Variants in STMN4 observed in about 807,000 individuals in gnomAD.
The protein encoded by STMN4 is stathmin-4.
A neutral mutation model predicts 29.1 loss-of-function variants in STMN4; 12 were observed. The observed-to-expected ratio is 0.41, with a 90% CI of 0.26 to 0.67. The LOEUF is 0.67. Among genes scored for constraint, STMN4 ranks in the 30% least tolerant of loss-of-function variants. The pLI is 0.30. For synonymous variants in STMN4, 114 were observed against 105.3 expected, an observed-to-expected ratio of 1.08 and a Z score of -0.51; for missense variants, 181 against 262.8, an observed-to-expected ratio of 0.69 and a Z score of 2.15.
intron 1 of STMN4, among the ~76,000 whole-genome samples, chr8:27,246,853 GC>G (rs2130110992): frequency 6.6e-6 from 1 of 152,294 alleles, no homozygotes; most frequent in African/African-American, 2.4e-5. Flanking sequence ...TGATGCAGTA[GC>G]CCCGGGGAAA....
chr8:27,249,731 G>A (rs1801731010), intron 1 of STMN4, among the ~76,000 whole-genome samples: 3 of 152,256 alleles, frequency 2.0e-5, no homozygotes, highest in Middle Eastern at 3.4e-3. Flanking sequence ...CAGGCTTTCC[G>A]TAATTCAGCT....
intron 1 of STMN4, among the ~76,000 whole-genome samples, chr8:27,255,888 C>T (rs572434832): frequency 6.6e-6 from 1 of 152,286 alleles, no homozygotes; most frequent in African/African-American, 2.4e-5. Flanking sequence ...CTCTAGTCGA[C>T]AACCTGGCCA....
At chr8:27,243,866 G>GTCTTT (rs1005369399) in intron 1 of STMN4, 65 bp from the exon 2 acceptor site, 6 of 1,437,826 alleles carry the variant, frequency 4.2e-6, no homozygotes, top group Non-Finnish European at 5.8e-6. Flanking sequence ...CATAAGAAAG[G>GTCTTT]TCTTTATACA....
chr8:27,256,470 T>C (rs2130183253), intron 1 of STMN4, among the ~76,000 whole-genome samples: 1 of 152,308 alleles, frequency 6.6e-6, no homozygotes, highest in African/African-American at 2.4e-5. Flanking sequence ...TAGCCTAATG[T>C]TTCTCAAACT....
In STMN4 at chr8:27,243,781, G is replaced by C; in HGVS notation, c.-58C>G. 1.2e-6 allele frequency: 2 copies of C among 1,614,140 alleles called. No homozygotes were observed. Among genetic ancestry groups the C allele is most frequent in the Non-Finnish European group, 1.7e-6 (2 of 1,179,990 alleles). ...AAGTTACAGAGTGGGTCTGTCACCA[G>C]CTTGGGACGCTGTCACCAACCTGAG... On this transcript the variant is annotated 5_prime_UTR_variant, in exon 2 of 7. Transcript: ENST00000350889.
intron 1 of STMN4, among the ~76,000 whole-genome samples, chr8:27,254,786 G>T (rs1801893250): frequency 7.4e-6 from 1 of 134,248 alleles, no homozygotes; most frequent in Non-Finnish European, 1.6e-5. Flanking sequence ...ACATCTGTGT[G>T]TAGGGGGTGG....
In STMN4 at chr8:27,241,685, C is replaced by A. The variant is rs777494004; in HGVS notation, c.182G>T (p.Arg61Ile). Residue 61 changes from arginine to isoleucine, a missense_variant, in exon 4 of 7, where the codon AGA (arginine) becomes ATA (isoleucine). Physicochemically the swap from Arg to Ile is moderately conservative, Grantham distance 97 (BLOSUM62 -3). Coordinates refer to ENST00000350889, the MANE Select transcript of STMN4 (RefSeq NM_030795.4). ...CGCTGCCTCCCTCCTACCCTGAGCT[C>A]TTCTTTCTCTCCAGTCAGCACTGTC... is the stretch of plus-strand genomic sequence containing the variant. ...RKDSADWRER[R>I]AQADTVDLNW... The A allele has an allele frequency of 6.2e-7, 1 of 1,614,064 alleles. No homozygotes were observed. The highest frequency in any genetic ancestry group is 8.5e-7 in the Non-Finnish European group (1 of 1,180,028).
chr8:27,243,872 A>G (rs1801549495), intron 1 of STMN4, 71 bp from the exon 2 acceptor site: 1 of 1,387,956 alleles, frequency 7.2e-7, no homozygotes, highest in Non-Finnish European at 1.0e-6. Flanking sequence ...AAAGGTCTTT[A>G]TACACTGGGG....
At chr8:27,251,305 ATAT>A (rs888019570) in intron 1 of STMN4, among the ~76,000 whole-genome samples, 4 of 126,172 alleles carry the variant, frequency 3.2e-5, no homozygotes, top group Admixed American at 1.7e-4. Context: ...TATACATATA[ATAT>A]TATATATATA....
rs770084906 is a variant in STMN4 at position 27,241,710 on chromosome 8, C to T, written c.157G>A (p.Asp53Asn). ...CRRKDESQRK[D>N]SADWRERRAQ... ...CTTCTTTCTCTCCAGTCAGCACTGTCTTTCCGCTGGCTTTCATCCTTCCTC... is the reference window on the plus strand; with the variant it reads ...CTTCTTTCTCTCCAGTCAGCACTGTTTTTCCGCTGGCTTTCATCCTTCCTC... The change falls in exon 4 of 7, where the codon GAC (aspartate) becomes AAC (asparagine). Residue 53 changes from aspartate (D) to asparagine (N), a missense_variant. Coordinates refer to ENST00000350889, the MANE Select transcript of STMN4 (RefSeq NM_030795.4). 6.2e-7 allele frequency: 1 copy of T among 1,614,206 alleles called. No homozygotes were observed. The highest frequency in any genetic ancestry group is 1.1e-5 in the South Asian group (1 of 91,086).
At chr8:27,255,582 A>T (rs2130177454) in intron 1 of STMN4, among the ~76,000 whole-genome samples, 1 of 152,250 alleles carries the variant, frequency 6.6e-6, no homozygotes, top group African/African-American at 2.4e-5. Context: ...TATAGACACA[A>T]TTCTCCTCCT....
At position 27,241,702 on chromosome 8, in the gene STMN4, A is replaced by C. The variant is rs780613344; in HGVS notation, c.165T>G (p.Ala55=). Residue 55 remains alanine, a synonymous_variant, in exon 4 of 7, where the codon GCT becomes GCG. Coordinates refer to ENST00000350889, the MANE Select transcript of STMN4 (RefSeq NM_030795.4). The part of the protein sequence containing the change: ...RKDESQRKDS[A]DWRERRAQAD... Reference sequence around the variant, plus strand: ...CCTGAGCTCTTCTTTCTCTCCAGTCAGCACTGTCTTTCCGCTGGCTTTCAT... The same window carrying C: ...CCTGAGCTCTTCTTTCTCTCCAGTCCGCACTGTCTTTCCGCTGGCTTTCAT... 15 of 1,613,992 alleles carry C rather than the reference A, an allele frequency of 9.3e-6. No individual in the cohort carries two copies. Among genetic ancestry groups the C allele is most frequent in the Middle Eastern group, 1.6e-4 (1 of 6,084 alleles).
chr8:27,236,755 G>T lies in STMN4; in HGVS notation c.*91C>A. ...CACCCCCCTCCCCCCAAACCCCAGT[G>T]CTGGGAGCGCAGCCGGCGGGCGAGG... On this transcript the variant is annotated 3_prime_UTR_variant, in exon 7 of 7. Transcript: ENST00000350889. The T allele has an allele frequency of 5.7e-6, 7 of 1,231,240 alleles. No homozygotes were observed. Among genetic ancestry groups the T allele is most frequent in the Non-Finnish European group, 6.6e-6 (6 of 909,640 alleles). 76.3% of individuals were successfully genotyped at this position (1,231,240 alleles called of 1,614,324 possible).
At chr8:27,247,417 G>C (rs1196070276) in intron 1 of STMN4, among the ~76,000 whole-genome samples, 1 of 152,194 alleles carries the variant, frequency 6.6e-6, no homozygotes, top group Admixed American at 6.5e-5. Context: ...TAAAAAGGTG[G>C]GAAGCAGAGG....
intron 6 of STMN4, 96 bp from the exon 7 acceptor site, chr8:27,237,001 C>G: frequency 1.5e-6 from 2 of 1,317,664 alleles, no homozygotes; most frequent in South Asian, 1.4e-5. Context: ...CAAAGAGTGG[C>G]CACCACAGGC....
At chr8:27,238,134 G>A (rs61572560) in intron 6 of STMN4, among the ~76,000 whole-genome samples, 3 of 152,048 alleles carry the variant, frequency 2.0e-5, no homozygotes, top group Non-Finnish European at 4.4e-5. Flanking sequence ...ACTTTGGTAT[G>A]TATCAGCATG....
chr8:27,257,952 A>C (rs1042453803), intron 1 of STMN4, among the ~76,000 whole-genome samples: 1 of 152,246 alleles, frequency 6.6e-6, no homozygotes, highest in Middle Eastern at 3.2e-3. Context: ...TGAGGAAGAA[A>C]AGGTAAAAAC....
chr8:27,246,098 A>T (rs1181388161), intron 1 of STMN4, among the ~76,000 whole-genome samples: 1 of 152,182 alleles, frequency 6.6e-6, no homozygotes, highest in South Asian at 2.1e-4. Context: ...ATACTCACTA[A>T]TGCTTTCTCT....
chr8:27,241,710 CTTTCCG>C lies in STMN4; in HGVS notation c.151_156del (p.Arg51_Lys52del), dbSNP rs906810076. 1.9e-6 allele frequency: 3 copies of C among 1,614,088 alleles called. No homozygotes were observed. Among genetic ancestry groups the C allele is most frequent in the Admixed American group, 1.7e-5 (1 of 60,004 alleles). ...CTTCTTTCTCTCCAGTCAGCACTGT[CTTTCCG>C]CTGGCTTTCATCCTTCCTCCTACAC... On this transcript the variant is annotated inframe_deletion, in exon 4 of 7. Transcript: ENST00000350889.
Sources: gnomAD v4.1 joint callset for allele counts (sites outside exome capture counted in the v4.1 genomes callset) on GRCh38, gnomAD v4.1.1 for gene constraint, MANE v1.5 for transcripts, NCBI Gene and HGNC (gene_info 2026-07-23, HGNC 2026-07-21) for gene names.